Variants in S100A4 observed in about 807,000 individuals in gnomAD.
The protein encoded by S100A4 is protein S100-A4.
S100A4 carries 4 observed loss-of-function variants against 6.3 expected under a neutral mutation model. That is an observed-to-expected ratio of 0.64 (90% CI 0.31 to 1.46). S100A4 has a LOEUF of 1.46. Ranked by LOEUF, S100A4 falls within the 40% of genes most tolerant of loss-of-function variation. The pLI is 0.07. For missense variants in S100A4, 108 were observed against 120.8 expected (o/e 0.89, Z 0.50); for synonymous variants, 44 against 47.6 (o/e 0.92, Z 0.32).
At chr1:153,543,974 C>A (rs748865066) in intron 2 of S100A4, 51 bp from the exon 3 acceptor site, 2 of 1,598,504 alleles carry the variant, frequency 1.3e-6, no homozygotes, top group Non-Finnish European at 1.7e-6. Context: ...GTGGGTGGAG[C>A]CAGGACCAGA....
At chr1:153,544,087 TG>T in intron 2 of S100A4, 164 bp from the exon 3 acceptor site, 1 of 673,396 alleles carries the variant, frequency 1.5e-6, no homozygotes, top group Non-Finnish European at 2.5e-6. Context: ...AGGTGCTCCT[TG>T]GATAAGGAAG....
At chr1:153,545,065 C>T in intron 1 of S100A4, 1 of 436,210 alleles carries the variant, frequency 2.3e-6, no homozygotes, top group Non-Finnish European at 4.2e-6. Context: ...CCCAGGGCCT[C>T]CCAGGCCTTG....
rs201616028 is a variant in S100A4 at position 153,544,628 on chromosome 1, G to A, written c.141+26C>T. The A allele has an allele frequency of 2.2e-4, 361 of 1,613,744 alleles. 2 individuals carry two copies. In the Middle Eastern group the frequency reaches 3.1e-3, roughly 14 times the overall value. ...CTCTGTGGGAAATGCCCCACGTGGG[G>A]ACTCACTCAGGCACTACCCACTCAC... is the stretch of plus-strand genomic sequence containing the variant. On this transcript the variant is annotated intron_variant, in intron 2 of 2. Coordinates refer to ENST00000368716, the MANE Select transcript of S100A4 (RefSeq NM_002961.3).
intron 2 of S100A4, 74 bp downstream of exon 2, chr1:153,544,580 T>C (rs1665496030): frequency 6.3e-7 from 1 of 1,593,684 alleles, no homozygotes; most frequent in African/African-American, 1.3e-5. Flanking sequence ...TAGCTAATGC[T>C]CTAGAGCAAG....
chr1:153,545,252 G>GCT (rs1665523560), intron 1 of S100A4, among the ~76,000 whole-genome samples: 1 of 152,260 alleles, frequency 6.6e-6, no homozygotes, highest in Non-Finnish European at 1.5e-5. Context: ...TCAGCATGGG[G>GCT]AGGGGCAAAG....
chr1:153,543,661 G>T lies in S100A4; in HGVS notation c.*98C>A. On this transcript the variant is annotated 3_prime_UTR_variant, in exon 3 of 3. Transcript: ENST00000368716. ...CTTTATTGAACTTGCTCAGCATCAA[G>T]CACGTGTCTGAAGGAGCCAGGGTGG... 1 of 1,145,136 alleles carries T rather than the reference G, an allele frequency of 8.7e-7. No homozygotes were observed. The highest frequency in any genetic ancestry group is 1.3e-6 in the Non-Finnish European group (1 of 788,316). The allele number at this position is 1,145,136 out of a possible 1,614,324, so 70.9% of individuals were successfully genotyped here.
chr1:153,544,909 G>A (rs897742684), intron 1 of S100A4, 100 bp from the exon 2 acceptor site: 105 of 1,466,444 alleles, frequency 7.2e-5, no homozygotes, highest in Admixed American at 1.3e-4. Flanking sequence ...AGCACTTGGC[G>A]AGACTCTGCT....
intron 1 of S100A4, 178 bp from the exon 2 acceptor site, chr1:153,544,987 C>T (rs112043181): frequency 7.0e-5 from 47 of 667,268 alleles, no homozygotes; most frequent in Middle Eastern, 4.3e-4. Context: ...CAGTGGGGAA[C>T]ACATGCTCTG....
At chr1:153,544,960 G>C in intron 1 of S100A4, 151 bp from the exon 2 acceptor site, 1 of 869,344 alleles carries the variant, frequency 1.2e-6, no homozygotes, top group South Asian at 1.7e-5. Flanking sequence ...CCCCGCACCT[G>C]GCTGGGAGGG....
At chr1:153,544,608 T>C in intron 2 of S100A4, 46 bp downstream of exon 2, 1 of 1,608,836 alleles carries the variant, frequency 6.2e-7, no homozygotes. Flanking sequence ...CCCTCCTCTG[T>C]GGGAAATGCC....
At chr1:153,544,361 G>A (rs1015566518) in intron 2 of S100A4, among the ~76,000 whole-genome samples, 5 of 152,176 alleles carry the variant, frequency 3.3e-5, no homozygotes, top group South Asian at 2.1e-4. Flanking sequence ...AGACAGTCCC[G>A]GTCCGGATGG....
At chr1:153,544,026 T>G in intron 2 of S100A4, 103 bp from the exon 3 acceptor site, 3 of 1,315,610 alleles carry the variant, frequency 2.3e-6, no homozygotes, top group Non-Finnish European at 3.2e-6. Flanking sequence ...GAGGCTCCTT[T>G]GGGAGGTCCA....
chr1:153,544,873 C>A lies in S100A4; in HGVS notation c.-15-64G>T. 5 of 1,583,190 alleles carry A rather than the reference C, an allele frequency of 3.2e-6. No individual in the cohort carries two copies. In the South Asian group the frequency reaches 5.7e-5, roughly 18 times the overall value. ...ACCCCTCAGAGATGTGTTCAGAATGCCAGGCTCCACTCCCATCCCTCCAGG... is the reference window on the plus strand; with the variant it reads ...ACCCCTCAGAGATGTGTTCAGAATGACAGGCTCCACTCCCATCCCTCCAGG... On this transcript the variant is annotated intron_variant, in intron 1 of 2. Coordinates refer to ENST00000368716, the MANE Select transcript of S100A4 (RefSeq NM_002961.3).
At chr1:153,545,256 GGCAAA>G (rs1665524157) in intron 1 of S100A4, among the ~76,000 whole-genome samples, 1 of 152,226 alleles carries the variant, frequency 6.6e-6, no homozygotes, top group Non-Finnish European at 1.5e-5. Flanking sequence ...CATGGGGAGG[GGCAAA>G]GTGAGGTGGC....
chr1:153,545,052 A>T, intron 1 of S100A4: 1 of 456,680 alleles, frequency 2.2e-6, no homozygotes, highest in South Asian at 2.9e-5. Context: ...CGGGCAGCAA[A>T]CTCCCAGGGC....
intron 1 of S100A4, 104 bp from the exon 2 acceptor site, chr1:153,544,913 C>T (rs994872706): frequency 2.0e-5 from 29 of 1,437,848 alleles, no homozygotes; most frequent in Non-Finnish European, 2.6e-5. Context: ...CTTGGCGAGA[C>T]TCTGCTCCCT....
chr1:153,543,717 G>T lies in S100A4; in HGVS notation c.*42C>A. The T allele has an allele frequency of 6.3e-7, 1 of 1,588,120 alleles. No individual in the cohort carries two copies. The highest frequency in any genetic ancestry group is 8.6e-7 in the Non-Finnish European group (1 of 1,165,044). The stretch of plus-strand genomic sequence containing the variant: ...AAAAAGTGCCCACTGGCGACAGGGA[G>T]GGCCCCAGCTGGCAGACCCCCCAAC... On this transcript the variant is annotated 3_prime_UTR_variant, in exon 3 of 3. Coordinates refer to ENST00000368716, the MANE Select transcript of S100A4 (RefSeq NM_002961.3).
At position 153,544,702 on chromosome 1, in the gene S100A4, C is replaced by A. The variant is rs1226667397; in HGVS notation, c.93G>T (p.Lys31Asn). 2 of 1,614,244 alleles carry A rather than the reference C, an allele frequency of 1.2e-6. No individual in the cohort carries two copies. Among genetic ancestry groups the A allele is most frequent in the South Asian group, 2.2e-5 (2 of 91,086 alleles). The stretch of plus-strand genomic sequence containing the variant: ...GGGTCAGCAGCTCCTTTAGTTCTGA[C>A]TTGTTGAGCTTGAACTTGTCACCCT... The part of the protein sequence containing the change: ...GKEGDKFKLN[K>N]SELKELLTRE... Residue 31 changes from lysine (K) to asparagine (N), a missense_variant, in exon 2 of 3, where the codon AAG becomes AAT. Coordinates refer to ENST00000368716, the MANE Select transcript of S100A4 (RefSeq NM_002961.3).
Position 153,544,727 on chromosome 1 carries a change from T to C in S100A4, c.68A>G (p.Glu23Gly). ...CTTGTTGAGCTTGAACTTGTCACCC[T>C]CTTTGCCCGAGTACTTGTGGAAGGT... ...VSTFHKYSGK[E>G]GDKFKLNKSE... The change falls in exon 2 of 3, where the codon GAG becomes GGG. Residue 23 changes from glutamate to glycine, a missense_variant. Coordinates refer to ENST00000368716, the MANE Select transcript of S100A4 (RefSeq NM_002961.3). The C allele has an allele frequency of 6.2e-7, 1 of 1,614,220 alleles. No individual in the cohort carries two copies. The highest frequency in any genetic ancestry group is 2.2e-5 in the East Asian group (1 of 44,894).
Sources: allele counts gnomAD v4.1 joint callset (sites outside exome capture counted in the v4.1 genomes callset), GRCh38; gene constraint gnomAD v4.1.1; transcripts MANE v1.5; gene names NCBI Gene and HGNC (gene_info 2026-07-23, HGNC 2026-07-21).